Variants in AZIN2 observed in about 807,000 individuals in gnomAD.
The protein encoded by AZIN2 is antizyme inhibitor 2, also known as ODC antizyme inhibitor-2.
In AZIN2, 28 loss-of-function variants were observed where a neutral mutation model predicts 47.8. The observed-to-expected ratio is 0.59, with a 90% CI of 0.43 to 0.80. The LOEUF (loss-of-function observed/expected upper bound fraction) is 0.80, where lower values mean the gene tolerates loss of function less well. Among genes scored for constraint, AZIN2 ranks in the 30% least tolerant of loss-of-function variants. The pLI is 0.00. For synonymous variants in AZIN2, 221 were observed against 239.4 expected (o/e 0.92, Z 0.71); for missense variants, 535 against 582.5 (o/e 0.92, Z 0.84).
At chr1:33,100,211 C>T (rs1269434869) in intron 10 of AZIN2, among the ~76,000 whole-genome samples, 2 of 151,770 alleles carry the variant, frequency 1.3e-5, no homozygotes, top group Non-Finnish European at 2.9e-5. Context: ...ATCGCAGCTA[C>T]TTGGGAGGCT....
At chr1:33,088,502 T>C (rs1204615472) in intron 5 of AZIN2, among the ~76,000 whole-genome samples, 1 of 152,202 alleles carries the variant, frequency 6.6e-6, no homozygotes, top group Admixed American at 6.5e-5. Flanking sequence ...ACCTTATATT[T>C]AAAATGCAAA....
chr1:33,096,822 G>T lies in AZIN2; in HGVS notation c.869G>T (p.Ser290Ile). The change falls in exon 9 of 12, where the codon AGC becomes ATC. Residue 290 changes from serine (S) to isoleucine (I), a missense_variant. Ser to Ile is a moderately radical substitution (Grantham distance 142). Transcript: ENST00000294517. Reference sequence around the variant, plus strand: ...ACCTCGGCCTTCACTGTGGCAGTCAGCATCATTGCCAAGAAGGAGGTTCTG... The same window carrying T: ...ACCTCGGCCTTCACTGTGGCAGTCATCATCATTGCCAAGAAGGAGGTTCTG... ...YVTSAFTVAV[S>I]IIAKKEVLLD... The T allele has an allele frequency of 6.2e-7, 1 of 1,614,208 alleles. No individual in the cohort carries two copies. The highest frequency in any genetic ancestry group is 1.1e-5 in the South Asian group (1 of 91,080).
chr1:33,154,909 C>T, the AZIN2 span, among the ~76,000 whole-genome samples: 8 of 151,318 alleles, frequency 5.3e-5, no homozygotes, highest in East Asian at 2.0e-4. Flanking sequence ...CTGGCTAACA[C>T]GGTGAAACCC....
the AZIN2 span, chr1:33,165,384 C>T: frequency 3.2e-6 from 4 of 1,265,148 alleles, no homozygotes; most frequent in South Asian, 1.4e-5. The surrounding 1 kb of genome is among the most constrained non-coding windows in gnomAD (Gnocchi z 4.0). Flanking sequence ...CACCCGAGGC[C>T]CCGCCCCTCT....
At chr1:33,089,207 A>G (rs1253335412) in intron 5 of AZIN2, among the ~76,000 whole-genome samples, 1 of 152,196 alleles carries the variant, frequency 6.6e-6, no homozygotes, top group African/African-American at 2.4e-5. Flanking sequence ...CCCACCTTAT[A>G]AGATTATTAG....
chr1:33,115,672 C>T (rs1311786284), intron 10 of AZIN2, among the ~76,000 whole-genome samples: 1 of 152,170 alleles, frequency 6.6e-6, no homozygotes, highest in Non-Finnish European at 1.5e-5. Context: ...CACTACACTC[C>T]AGCCTCGATG....
the AZIN2 span, chr1:33,147,628 G>A: frequency 6.2e-7 from 1 of 1,614,032 alleles, no homozygotes; most frequent in Non-Finnish European, 8.5e-7. The surrounding 1 kb of genome is among the most constrained non-coding windows in gnomAD (Gnocchi z 8.1). Context: ...GTCCTGCAGT[G>A]GCTGTGGGTG....
chr1:33,093,183 TGGCTCTGA>T, intron 6 of AZIN2, 91 bp from the exon 7 acceptor site: 1 of 1,520,186 alleles, frequency 6.6e-7, no homozygotes, highest in Non-Finnish European at 8.9e-7. Context: ...TGGGGTTGGG[TGGCTCTGA>T]GCCATGTAGC....
chr1:33,090,137 C>G (rs775887235), intron 5 of AZIN2, among the ~76,000 whole-genome samples: 4 of 152,244 alleles, frequency 2.6e-5, no homozygotes, highest in African/African-American at 9.6e-5. Flanking sequence ...TATTGACTCA[C>G]AGCCACATTC....
At chr1:33,141,678 G>A in the AZIN2 span, among the ~76,000 whole-genome samples, 2 of 152,120 alleles carry the variant, frequency 1.3e-5, no homozygotes, top group Non-Finnish European at 1.5e-5. Flanking sequence ...AATTTCAAGG[G>A]AGGGGGGAGC....
At chr1:33,145,910 A>T in the AZIN2 span, 3 of 471,122 alleles carry the variant, frequency 6.4e-6, no homozygotes, top group South Asian at 3.1e-5. Context: ...TCTGGATCTG[A>T]CTTAAGTTCC....
In AZIN2 at chr1:33,087,750, TA is replaced by T. The variant is rs60584060; in HGVS notation, c.279+3635del. Among the ~76,000 whole-genome samples, 423 of 145,784 alleles carry T rather than the reference TA, an allele frequency of 2.9e-3. 1 individual carries two copies. Among genetic ancestry groups the T allele is most frequent in the African/African-American group, 5.1e-3 (204 of 39,638 alleles). ...CACACCCGACTGGCAATGCATTCTTTAAAAAAAAAAAAGACTCAACAGTAAC... is the reference window on the plus strand; with the variant it reads ...CACACCCGACTGGCAATGCATTCTTTAAAAAAAAAAAGACTCAACAGTAAC... On this transcript the variant is annotated intron_variant, in intron 5 of 11. Transcript: ENST00000294517.
chr1:33,100,855 A>ATC (rs1026238827), intron 10 of AZIN2, among the ~76,000 whole-genome samples: 4 of 150,640 alleles, frequency 2.7e-5, no homozygotes, highest in Non-Finnish European at 4.4e-5. Flanking sequence ...TTTGGTTGCC[A>ATC]TCTCTCTCTC....
intron 10 of AZIN2, among the ~76,000 whole-genome samples, chr1:33,102,802 C>T (rs1643805123): frequency 6.6e-6 from 1 of 152,166 alleles, no homozygotes; most frequent in Non-Finnish European, 1.5e-5. Context: ...ATCCAACTAC[C>T]CGCTTGAGAT....
At chr1:33,128,988 G>A in the AZIN2 span, among the ~76,000 whole-genome samples, 3,935 of 152,264 alleles carry the variant, frequency 0.026, 184 homozygotes, top group African/African-American at 0.09. Context: ...TAGGACAGGC[G>A]TGGCAAAAGC....
At chr1:33,137,801 A>G in the AZIN2 span, among the ~76,000 whole-genome samples, 1 of 152,218 alleles carries the variant, frequency 6.6e-6, no homozygotes, top group East Asian at 1.9e-4. Context: ...TTCTGAGGGA[A>G]AGCTGGCCAC....
chr1:33,133,976 G>A, the AZIN2 span, among the ~76,000 whole-genome samples: 4 of 152,206 alleles, frequency 2.6e-5, no homozygotes, highest in Non-Finnish European at 2.9e-5. Flanking sequence ...TGCCTCTGCT[G>A]TTACCACTTA....
intron 10 of AZIN2, among the ~76,000 whole-genome samples, chr1:33,116,029 G>T (rs1644526357): frequency 6.6e-6 from 1 of 152,138 alleles, no homozygotes; most frequent in Non-Finnish European, 1.5e-5. Flanking sequence ...TCAACAAAAA[G>T]TTTATAAACA....
chr1:33,165,522 C>A, the AZIN2 span: 2 of 1,610,872 alleles, frequency 1.2e-6, no homozygotes, highest in African/African-American at 2.7e-5. This position sits in a 1 kb window ranked among gnomAD's most constrained non-coding sequence, Gnocchi z 4.0. Context: ...CGGTGTGTTC[C>A]CGCTCGCTGT....
Sources: gnomAD v4.1 joint callset for allele counts (sites outside exome capture counted in the v4.1 genomes callset) on GRCh38, gnomAD v4.1.1 for gene constraint, Gnocchi (gnomAD v3.1) non-coding constraint, MANE v1.5 for transcripts, NCBI Gene and HGNC (gene_info 2026-07-23, HGNC 2026-07-21) for gene names.